Variants in BCL7C observed in about 807,000 individuals in gnomAD.
BCL7C encodes B-cell CLL/lymphoma 7 protein family member C.
A neutral mutation model predicts 26.2 loss-of-function variants in BCL7C; 8 were observed. That is an observed-to-expected ratio of 0.30 (90% CI 0.18 to 0.55). The LOEUF (loss-of-function observed/expected upper bound fraction) is 0.55, where lower values mean the gene tolerates loss of function less well. Among genes scored for constraint, BCL7C ranks in the 20% least tolerant of loss-of-function variants. The pLI, the probability that BCL7C is intolerant of heterozygous loss-of-function variation, is 0.93. For synonymous variants in BCL7C, 90 were observed against 116.5 expected, an observed-to-expected ratio of 0.77 and a Z score of 1.47; for missense variants, 262 against 298.5, an observed-to-expected ratio of 0.88 and a Z score of 0.90.
intron 5 of BCL7C, among the ~76,000 whole-genome samples, chr16:30,838,326 A>G (rs1029733332): frequency 6.6e-6 from 1 of 152,248 alleles, no homozygotes; most frequent in Non-Finnish European, 1.5e-5. Flanking sequence ...TGTATATAGT[A>G]TACACATATA....
At chr16:30,879,702 A>AAAAAAAAAAAAAAAAAC (rs751856538) in intron 5 of BCL7C, among the ~76,000 whole-genome samples, 1 of 145,364 alleles carries the variant, frequency 6.9e-6, no homozygotes, top group Non-Finnish European at 1.5e-5. Flanking sequence ...AAAAAAAAAA[A>AAAAAAAAAAAAAAAAAC]AAAAAAACTG....
intron 4 of BCL7C, among the ~76,000 whole-genome samples, chr16:30,889,267 A>G (rs1232843895): frequency 1.3e-5 from 2 of 152,214 alleles, no homozygotes; most frequent in African/African-American, 2.4e-5. Context: ...CATGGGCCTC[A>G]GTTTCCCCAT....
At chr16:30,875,530 C>T (rs983143503) in intron 5 of BCL7C, 37 of 152,246 alleles carry the variant, frequency 2.4e-4, no homozygotes, top group African/African-American at 8.9e-4. Flanking sequence ...CTGCAGATGC[C>T]TCCACTGCGA....
chr16:30,892,836 C>A lies in BCL7C; in HGVS notation c.280+4G>T. ...GCCCCCCGCGTTTCAGGATCCCTACCTACCATTAAGATCCAGCAGGATGAG... is the reference window on the plus strand; with the variant it reads ...GCCCCCCGCGTTTCAGGATCCCTACATACCATTAAGATCCAGCAGGATGAG... On this transcript the variant is annotated splice_donor_region_variant and intron_variant, in intron 3 of 5. Coordinates refer to ENST00000215115, the MANE Select transcript of BCL7C (RefSeq NM_004765.4). 1 of 1,613,518 alleles carries A rather than the reference C, an allele frequency of 6.2e-7. No individual in the cohort carries two copies. The highest frequency in any genetic ancestry group is 8.5e-7 in the Non-Finnish European group (1 of 1,179,920).
chr16:30,851,168 A>G (rs997164330), intron 5 of BCL7C: 10 of 274,054 alleles, frequency 3.6e-5, no homozygotes, highest in African/African-American at 2.2e-4. Flanking sequence ...GGATGCTTGA[A>G]GAAGTGGTAG....
intron 5 of BCL7C, among the ~76,000 whole-genome samples, chr16:30,866,563 C>T (rs2054831095): frequency 8.4e-6 from 1 of 118,350 alleles, no homozygotes; most frequent in South Asian, 2.6e-4. Context: ...GCCAAAATAG[C>T]GAGACTGTCT....
At chr16:30,881,426 A>ACACACACACACAC (rs1567320786) in intron 5 of BCL7C, among the ~76,000 whole-genome samples, 2 of 144,904 alleles carry the variant, frequency 1.4e-5, no homozygotes, top group African/African-American at 2.5e-5. Context: ...ACACACACAC[A>ACACACACACACAC]ACAAAAAATT....
In BCL7C at chr16:30,834,240, C is replaced by A. The variant is rs1314629709; in HGVS notation, c.*708G>T. 1 of 152,226 alleles carries A rather than the reference C, an allele frequency of 6.6e-6. No individual in the cohort carries two copies. The highest frequency in any genetic ancestry group is 1.9e-4 in the East Asian group (1 of 5,188). 9.4% of individuals were successfully genotyped at this position (152,226 alleles called of 1,614,324 possible). On this transcript the variant is annotated 3_prime_UTR_variant, in exon 6 of 6. Coordinates refer to the BCL7C transcript ENST00000380317. This position sits in a 1 kb window ranked among gnomAD's most constrained non-coding sequence, Gnocchi z 4.3. ...TGCGCCAGAAGTCTCCACGCCTCCA[C>A]CCGAGGCGGGCGCCTGGGCTGAAAG...
chr16:30,885,329 A>G (rs2055115841), downstream of BCL7C, among the ~76,000 whole-genome samples: 2 of 152,308 alleles, frequency 1.3e-5, 1 homozygote, highest in Middle Eastern at 6.8e-3. Context: ...GGAGGGAACT[A>G]CTGCTGAGAC....
At chr16:30,838,712 G>T (rs1271091740) in intron 5 of BCL7C, among the ~76,000 whole-genome samples, 2 of 152,200 alleles carry the variant, frequency 1.3e-5, no homozygotes, top group Admixed American at 1.3e-4. Context: ...TTGAACCCAG[G>T]AGGCGGAGGT....
intron 5 of BCL7C, among the ~76,000 whole-genome samples, chr16:30,849,891 A>G (rs1033677375): frequency 4.0e-5 from 6 of 151,110 alleles, no homozygotes; most frequent in African/African-American, 1.2e-4. Context: ...GGGTTTTGCC[A>G]TGTTGCCCAG....
At chr16:30,880,186 T>C (rs2055021189) in intron 5 of BCL7C, among the ~76,000 whole-genome samples, 1 of 151,424 alleles carries the variant, frequency 6.6e-6, no homozygotes, top group Admixed American at 6.6e-5. Context: ...TTAAAGTTGT[T>C]TGAACAACAA....
chr16:30,836,881 C>T (rs2054572723), intron 5 of BCL7C, among the ~76,000 whole-genome samples: 1 of 151,678 alleles, frequency 6.6e-6, no homozygotes, highest in Non-Finnish European at 1.5e-5. Flanking sequence ...GCATCCCCTG[C>T]CTACCAGGTT....
At chr16:30,859,659 T>C (rs1290052033) in intron 5 of BCL7C, among the ~76,000 whole-genome samples, 2 of 152,124 alleles carry the variant, frequency 1.3e-5, no homozygotes, top group African/African-American at 4.8e-5. Flanking sequence ...TACTTTGTAA[T>C]ATTCTCCCCT....
intron 5 of BCL7C, among the ~76,000 whole-genome samples, chr16:30,874,032 G>C (rs1189535093): frequency 7.3e-6 from 1 of 137,436 alleles, no homozygotes; most frequent in African/African-American, 2.8e-5. Context: ...TTCTTGCTCT[G>C]TGGCCCAGGC....
intron 5 of BCL7C, among the ~76,000 whole-genome samples, chr16:30,855,109 G>A (rs767601891): frequency 1.6e-4 from 24 of 152,168 alleles, no homozygotes; most frequent in Middle Eastern, 3.4e-3. Context: ...TTTCAATGTC[G>A]CACACAGACT....
chr16:30,891,342 T>A (rs1596626870), intron 4 of BCL7C, among the ~76,000 whole-genome samples: 1 of 149,318 alleles, frequency 6.7e-6, no homozygotes, highest in Non-Finnish European at 1.5e-5. Flanking sequence ...CATGCCTATA[T>A]TCCCAGCTAC....
chr16:30,881,834 G>A (rs570895008), intron 5 of BCL7C, among the ~76,000 whole-genome samples: 21 of 152,026 alleles, frequency 1.4e-4, no homozygotes, highest in African/African-American at 2.9e-4. Context: ...CCTCGCCCCC[G>A]CTTAAAATCA....
At chr16:30,888,711 C>A in intron 5 of BCL7C, 149 bp downstream of exon 5, 1 of 634,620 alleles carries the variant, frequency 1.6e-6, no homozygotes, top group Non-Finnish European at 2.7e-6. Flanking sequence ...CTTTCTTTTT[C>A]AGTCCCAAGA....
Sources: allele counts gnomAD v4.1 joint callset (sites outside exome capture counted in the v4.1 genomes callset), GRCh38; gene constraint gnomAD v4.1.1; non-coding constraint Gnocchi (gnomAD v3.1); transcripts MANE v1.5; gene names NCBI Gene and HGNC (gene_info 2026-07-23, HGNC 2026-07-21).